NFS1: variants seen among roughly 807,000 people sequenced by gnomAD.
NFS1 encodes NFS1 cysteine desulfurase, also known as cysteine desulfurase.
A neutral mutation model predicts 57.3 loss-of-function variants in NFS1; 26 were observed. The observed-to-expected ratio is 0.45, with a 90% CI of 0.33 to 0.63. NFS1 has a LOEUF of 0.63. NFS1 is among the 20% of genes least tolerant of loss of function. The pLI is 0.02. For missense variants in NFS1, 505 were observed against 605.8 expected (o/e 0.83, Z 1.75); for synonymous variants, 209 against 216.3 (o/e 0.97, Z 0.30).
At chr20:35,697,923 G>A in intron 2 of NFS1, 123 bp from the exon 3 acceptor site, 1 of 613,866 alleles carries the variant, frequency 1.6e-6, no homozygotes, top group Non-Finnish European at 2.9e-6. Context: ...GCCTAGAGGA[G>A]GCCTCAAACA....
intron 5 of NFS1, among the ~76,000 whole-genome samples, chr20:35,685,846 G>A (rs1450566608): frequency 5.6e-5 from 7 of 124,286 alleles, no homozygotes; most frequent in Non-Finnish European, 8.2e-5. Context: ...CAACAAGAGC[G>A]AAATTCAGTA....
chr20:35,674,555 A>G lies in NFS1; in HGVS notation c.1011T>C (p.Leu337=). Residue 337 remains leucine, a synonymous_variant, in exon 9 of 13, where the codon CTT becomes CTC. Coordinates refer to ENST00000374092, the MANE Select transcript of NFS1 (RefSeq NM_021100.5). The part of the protein sequence containing the change: ...ERLIQNIMKS[L]PDVVMNGDPK... ...GGTCCCCATTCATCACCACATCTGG[A>G]AGGCTCTTCATTATATTCTGTATCA... 6.2e-7 allele frequency: 1 copy of G among 1,614,198 alleles called. No individual in the cohort carries two copies. Among genetic ancestry groups the G allele is most frequent in the Non-Finnish European group, 8.5e-7 (1 of 1,180,026 alleles).
Position 35,698,959 on chromosome 20 carries a change from C to A in NFS1, c.97+233G>T, listed in dbSNP as rs189797967. 6 of 1,319,646 alleles carry A rather than the reference C, an allele frequency of 4.5e-6. No homozygotes were observed. The Admixed American group carries it at 1.9e-4, about 41-fold the overall frequency. 81.7% of individuals were successfully genotyped at this position (1,319,646 alleles called of 1,614,324 possible). On this transcript the variant is annotated intron_variant, in intron 1 of 12. Coordinates refer to ENST00000374092, the MANE Select transcript of NFS1 (RefSeq NM_021100.5). ...CATCTGTAACTTGGCCAGGAGCGGTCTGAAGGACGCGCCTCCACGGCTCTG... is the reference window on the plus strand; with the variant it reads ...CATCTGTAACTTGGCCAGGAGCGGTATGAAGGACGCGCCTCCACGGCTCTG...
chr20:35,695,788 T>G (rs1373295659), intron 4 of NFS1, among the ~76,000 whole-genome samples: 1 of 152,018 alleles, frequency 6.6e-6, no homozygotes, highest in African/African-American at 2.4e-5. Context: ...ACACCTGTAA[T>G]CCCAGCACTT....
chr20:35,687,674 G>A (rs753128093), intron 5 of NFS1, among the ~76,000 whole-genome samples: 46 of 152,178 alleles, frequency 3.0e-4, no homozygotes, highest in African/African-American at 9.9e-4. Flanking sequence ...TTATTTCTAC[G>A]CTCTCTCGTC....
At chr20:35,678,230 C>CT (rs1168000412) in intron 7 of NFS1, among the ~76,000 whole-genome samples, 1 of 152,140 alleles carries the variant, frequency 6.6e-6, no homozygotes, top group Non-Finnish European at 1.5e-5. Flanking sequence ...TGGCAAGCGC[C>CT]TGTAGTCCCA....
Position 35,683,249 on chromosome 20 carries a change from G to A in NFS1, c.562-1268C>T, listed in dbSNP as rs117255934. Among the ~76,000 whole-genome samples, 1,326 of 151,544 alleles carry A rather than the reference G, an allele frequency of 8.7e-3. 70 individuals carry two copies. Among genetic ancestry groups the A allele is most frequent in the Admixed American group, 0.074 (1,120 of 15,224 alleles). Reference sequence around the variant, plus strand: ...ATGTAATCCCAGGACTTTGGGAGGCGGAGGCGGGTGGATCAGAAGGTCAGA... The same window carrying A: ...ATGTAATCCCAGGACTTTGGGAGGCAGAGGCGGGTGGATCAGAAGGTCAGA... On this transcript the variant is annotated intron_variant, in intron 5 of 12. Transcript: ENST00000374092.
At chr20:35,689,097 G>C (rs996210739) in intron 5 of NFS1, among the ~76,000 whole-genome samples, 1 of 152,174 alleles carries the variant, frequency 6.6e-6, no homozygotes, top group African/African-American at 2.4e-5. Context: ...GGAAGGAGGA[G>C]GCCAGAGCTT....
At chr20:35,698,631 G>C in intron 1 of NFS1, 41 bp from the exon 2 acceptor site, 1 of 1,551,624 alleles carries the variant, frequency 6.4e-7, no homozygotes, top group East Asian at 2.3e-5. Context: ...AAGACCGAAG[G>C]CAACTATGAA....
At chr20:35,685,558 TTA>T (rs35529809) in intron 5 of NFS1, among the ~76,000 whole-genome samples, 7 of 143,482 alleles carry the variant, frequency 4.9e-5, no homozygotes, top group Non-Finnish European at 6.0e-5. Flanking sequence ...ATAAAATATT[TTA>T]TATATATATA....
intron 4 of NFS1, among the ~76,000 whole-genome samples, chr20:35,693,825 G>C (rs2035084463): frequency 6.6e-6 from 1 of 152,068 alleles, no homozygotes; most frequent in Admixed American, 6.6e-5. Flanking sequence ...AGCCAGGCGT[G>C]GTGGTGGGAG....
In NFS1 at chr20:35,669,464, C is replaced by T; in HGVS notation, c.*158G>A. 1.5e-6 allele frequency: 1 copy of T among 663,440 alleles called. No homozygotes were observed. Among genetic ancestry groups the T allele is most frequent in the Non-Finnish European group, 2.7e-6 (1 of 364,862 alleles). 41.1% of individuals were successfully genotyped at this position (663,440 alleles called of 1,614,324 possible). A position where few individuals can be genotyped will look rare whatever the true frequency, so the allele number is the denominator to read the frequency against. Reference sequence around the variant, plus strand: ...CCAAGGAACTGAAGCTAGGGAAAGACAGTTTTCTTGTGTTTCTGTCATAGA... The same window carrying T: ...CCAAGGAACTGAAGCTAGGGAAAGATAGTTTTCTTGTGTTTCTGTCATAGA... On this transcript the variant is annotated 3_prime_UTR_variant, in exon 13 of 13. Transcript: ENST00000374092.
At chr20:35,689,969 T>C (rs1412901836) in intron 5 of NFS1, among the ~76,000 whole-genome samples, 1 of 142,304 alleles carries the variant, frequency 7.0e-6, no homozygotes, top group Non-Finnish European at 1.5e-5. Flanking sequence ...CCTGGTGGCA[T>C]GCGTCTGTAA....
intron 6 of NFS1, among the ~76,000 whole-genome samples, chr20:35,681,182 G>A (rs2034842144): frequency 6.6e-6 from 1 of 151,428 alleles, no homozygotes; most frequent in Non-Finnish European, 1.5e-5. Flanking sequence ...CTTTCAAAAT[G>A]TCAGATTACT....
intron 5 of NFS1, among the ~76,000 whole-genome samples, chr20:35,687,415 C>CCTCTCTCT (rs141567718): frequency 6.8e-6 from 1 of 147,906 alleles, no homozygotes; most frequent in African/African-American, 2.5e-5. Context: ...CTCTCTCTCT[C>CCTCTCTCT]CTCTCTCTCT....
chr20:35,696,339 G>T, intron 4 of NFS1, 38 bp downstream of exon 4: 1 of 1,421,618 alleles, frequency 7.0e-7, no homozygotes, highest in Non-Finnish European at 1.0e-6. Flanking sequence ...TCCTAGGTCA[G>T]GAAAGCCCAC....
rs181908833 is a variant in NFS1, at chr20:35,668,318, A to G, written c.*1304T>C. 6.6e-6 allele frequency: 1 copy of G among 152,364 alleles called. No homozygotes were observed. The highest frequency in any genetic ancestry group is 2.4e-5 in the African/African-American group (1 of 41,584). 9.4% of individuals were successfully genotyped at this position (152,364 alleles called of 1,614,324 possible). ...TTTTTTGACCATTATCCACAATAAG[A>G]AATACATTTATAACCTGGTATACAA... On this transcript the variant is annotated 3_prime_UTR_variant, in exon 13 of 13. Transcript: ENST00000374092.
At position 35,689,164 on chromosome 20, in the gene NFS1, C is replaced by A. The variant is rs1382502181; in HGVS notation, c.561+1249G>T. 1.3e-5 allele frequency among the ~76,000 whole-genome samples: 2 copies of A among 152,188 alleles called. 1 individual carries two copies. Among genetic ancestry groups the A allele is most frequent in the Non-Finnish European group, 2.9e-5 (2 of 68,044 alleles). ...GCACATGTGGCCAGTGGCTCCCATA[C>A]AAACCAGAAAACACCAACAAATGCA... is the stretch of plus-strand genomic sequence containing the variant. On this transcript the variant is annotated intron_variant, in intron 5 of 12. Transcript: ENST00000374092.
intron 5 of NFS1, among the ~76,000 whole-genome samples, chr20:35,687,194 T>A (rs1601529953): frequency 6.6e-6 from 1 of 152,146 alleles, no homozygotes; most frequent in Non-Finnish European, 1.5e-5. Context: ...ACTCTACTCC[T>A]CCACCTCTTG....
Sources: allele counts gnomAD v4.1 joint callset (sites outside exome capture counted in the v4.1 genomes callset), GRCh38; gene constraint gnomAD v4.1.1; transcripts MANE v1.5; gene names NCBI Gene and HGNC (gene_info 2026-07-23, HGNC 2026-07-21).